ZFHX3: variants seen among roughly 807,000 people sequenced by gnomAD.
ZFHX3 encodes the protein zinc finger homeobox protein 3.
In ZFHX3, 42 loss-of-function variants were observed where a neutral mutation model predicts 279.1. The ratio of observed to expected loss-of-function variants is 0.15; its 90% CI spans 0.12 to 0.19. The LOEUF is 0.19. Among genes scored for constraint, ZFHX3 ranks in the 10% least tolerant of loss-of-function variants. The pLI is 1.00. For missense variants in ZFHX3, 4,981 were observed against 4,754.0 expected (o/e 1.05, Z -1.40); for synonymous variants, 2,293 against 1,957.8 (o/e 1.17, Z -4.52).
intron 1 of ZFHX3, among the ~76,000 whole-genome samples, chr16:73,711,992 A>G (rs2053367750): frequency 1.3e-5 from 2 of 152,254 alleles, no homozygotes; most frequent in African/African-American, 4.8e-5. Flanking sequence ...GGGAAGCAAA[A>G]GAAAGCAGGA....
rs551245314 is a variant in ZFHX3, at chr16:72,932,943, T to C, written c.3216+17526A>G. On this transcript the variant is annotated intron_variant, in intron 3 of 9. Coordinates refer to ENST00000268489, the MANE Select transcript of ZFHX3 (RefSeq NM_006885.4). ...TTACAGATGATGAACAAACAGGAAT[T>C]AAGTCCCAGGAGCTGGGATTCAAAC... Among the ~76,000 whole-genome samples the C allele has an allele frequency of 1.2e-4, 18 of 152,276 alleles. No homozygotes were observed. In the South Asian group the frequency reaches 3.5e-3, roughly 30 times the overall value.
chr16:72,975,801 G>T (rs1237174872), intron 1 of ZFHX3, among the ~76,000 whole-genome samples: 1 of 152,162 alleles, frequency 6.6e-6, no homozygotes, highest in African/African-American at 2.4e-5. Context: ...GGCACAGATG[G>T]TCTTTCTCCT....
chr16:73,079,225 T>C (rs1161131057), intron 8 of ZFHX3, among the ~76,000 whole-genome samples: 1 of 151,806 alleles, frequency 6.6e-6, no homozygotes, highest in Non-Finnish European at 1.5e-5. Flanking sequence ...ATCTTTCTCT[T>C]ATTAAATTTA....
chr16:73,764,867 T>C (rs2053912384), intron 1 of ZFHX3, among the ~76,000 whole-genome samples: 1 of 152,304 alleles, frequency 6.6e-6, no homozygotes, highest in South Asian at 2.1e-4. Flanking sequence ...CTGATACCTA[T>C]GCGTCTTGGA....
chr16:73,534,317 A>C (rs1181684058), intron 2 of ZFHX3, among the ~76,000 whole-genome samples: 1 of 152,018 alleles, frequency 6.6e-6, no homozygotes, highest in East Asian at 1.9e-4. Context: ...CGCCTCCTTC[A>C]ACTCTTTGCT....
At chr16:73,810,312 C>T (rs1960393204) in intron 1 of ZFHX3, among the ~76,000 whole-genome samples, 1 of 151,960 alleles carries the variant, frequency 6.6e-6, no homozygotes. Context: ...GTATTTGGGC[C>T]CCTGATGAAA....
At chr16:73,831,882 C>G (rs569205084) in intron 1 of ZFHX3, among the ~76,000 whole-genome samples, 2 of 152,308 alleles carry the variant, frequency 1.3e-5, no homozygotes, top group East Asian at 3.9e-4. Context: ...CCTCACCTGA[C>G]TAGAGTTTCA....
At chr16:72,890,040 G>A in intron 3 of ZFHX3, 78 bp from the exon 4 acceptor site, 1 of 1,329,474 alleles carries the variant, frequency 7.5e-7, no homozygotes, top group Non-Finnish European at 1.0e-6. Context: ...ACACCATCCT[G>A]GTCACAGCCA....
At chr16:73,858,703 C>A (rs557217771) in intron 1 of ZFHX3, among the ~76,000 whole-genome samples, 6 of 152,238 alleles carry the variant, frequency 3.9e-5, no homozygotes, top group Middle Eastern at 3.4e-3. Flanking sequence ...AAAGATAACA[C>A]AAAAGATGTC....
chr16:73,737,806 T>C (rs2053621946), intron 1 of ZFHX3, among the ~76,000 whole-genome samples: 1 of 152,198 alleles, frequency 6.6e-6, no homozygotes, highest in Admixed American at 6.5e-5. Context: ...GTTTTGTTCT[T>C]TGGCTGCTCA....
intron 1 of ZFHX3, among the ~76,000 whole-genome samples, chr16:73,880,690 C>T (rs1458005690): frequency 6.6e-6 from 1 of 152,112 alleles, no homozygotes; most frequent in South Asian, 2.1e-4. Flanking sequence ...TGTGCAGTCT[C>T]CATTTAAATG....
At chr16:72,973,469 C>T (rs1474731662) in intron 1 of ZFHX3, 1 of 152,278 alleles carries the variant, frequency 6.6e-6, no homozygotes. Flanking sequence ...GATGCATTAT[C>T]AACTCTGTTC....
intron 1 of ZFHX3, among the ~76,000 whole-genome samples, chr16:73,816,837 C>A (rs1335143442): frequency 6.6e-6 from 1 of 152,102 alleles, no homozygotes; most frequent in Non-Finnish European, 1.5e-5. Context: ...GCATTCACAC[C>A]CAGACAACTG....
At chr16:73,389,029 C>G (rs2016957171) in intron 3 of ZFHX3, 1 of 152,244 alleles carries the variant, frequency 6.6e-6, no homozygotes, top group African/African-American at 2.4e-5. Flanking sequence ...CTCTCCAAAC[C>G]ACACTCACAC....
At chr16:73,049,529 C>T (rs1294852068), upstream of ZFHX3, among the ~76,000 whole-genome samples, 3 of 152,206 alleles carry the variant, frequency 2.0e-5, no homozygotes, top group South Asian at 4.1e-4. Context: ...AAGTATCTAA[C>T]CTGTTGGGTA....
intron 2 of ZFHX3, among the ~76,000 whole-genome samples, chr16:73,485,261 C>T (rs1375509716): frequency 6.6e-6 from 1 of 152,070 alleles, no homozygotes; most frequent in Non-Finnish European, 1.5e-5. Flanking sequence ...AAATAGCCAA[C>T]CATGATACTG....
intron 2 of ZFHX3, among the ~76,000 whole-genome samples, chr16:73,485,036 T>A (rs1397887420): frequency 6.6e-6 from 1 of 152,198 alleles, no homozygotes; most frequent in Non-Finnish European, 1.5e-5. Context: ...AAAAGGATAC[T>A]GCCAATTTTG....
chr16:73,310,860 G>GA (rs34809715), intron 4 of ZFHX3, among the ~76,000 whole-genome samples: 65 of 149,326 alleles, frequency 4.4e-4, no homozygotes, highest in African/African-American at 8.4e-4. Flanking sequence ...AATATTAAAT[G>GA]AAAAAAAAAA....
intron 4 of ZFHX3, among the ~76,000 whole-genome samples, chr16:72,830,999 C>T (rs184491729): frequency 1.3e-4 from 20 of 152,308 alleles, no homozygotes; most frequent in African/African-American, 4.3e-4. Flanking sequence ...CTATCCAGCA[C>T]CGCCAGAGGT....
Sources: gnomAD v4.1 joint callset for allele counts (sites outside exome capture counted in the v4.1 genomes callset) on GRCh38, gnomAD v4.1.1 for gene constraint, MANE v1.5 for transcripts, NCBI Gene and HGNC (gene_info 2026-07-23, HGNC 2026-07-21) for gene names.